SH3GL2: variants seen among roughly 807,000 people sequenced by gnomAD.
The protein encoded by SH3GL2 is endophilin-A1.
In SH3GL2, 24 loss-of-function variants were observed where a neutral mutation model predicts 46.0. The observed-to-expected ratio is 0.52, with a 90% confidence interval of 0.38 to 0.73. The LOEUF (loss-of-function observed/expected upper bound fraction) is 0.73, where lower values mean the gene tolerates loss of function less well. Among genes scored for constraint, SH3GL2 ranks in the 30% least tolerant of loss-of-function variants. The pLI is 0.00. For missense variants in SH3GL2, 413 were observed against 424.2 expected, an observed-to-expected ratio of 0.97 and a Z score of 0.23; for synonymous variants, 196 against 147.1, an observed-to-expected ratio of 1.33 and a Z score of -2.40.
intron 1 of SH3GL2, among the ~76,000 whole-genome samples, chr9:17,631,323 T>C (rs986318216): frequency 1.3e-5 from 2 of 152,164 alleles, no homozygotes; most frequent in African/African-American, 4.8e-5. Flanking sequence ...TTTCATAGCA[T>C]GTAGTTAAAA....
chr9:17,763,738 A>T (rs985288439), intron 3 of SH3GL2, among the ~76,000 whole-genome samples: 3 of 152,178 alleles, frequency 2.0e-5, no homozygotes, highest in African/African-American at 7.2e-5. Context: ...CATTTTATTC[A>T]GGAAAAAACA....
intron 1 of SH3GL2, chr9:17,735,768 C>A (rs1226847581): frequency 1.0e-6 from 1 of 979,576 alleles, no homozygotes; most frequent in Non-Finnish European, 1.2e-6. Context: ...CAGCTCTTTC[C>A]ACACATGGAA....
At chr9:17,725,013 C>G (rs1323486578) in intron 1 of SH3GL2, among the ~76,000 whole-genome samples, 1 of 152,014 alleles carries the variant, frequency 6.6e-6, no homozygotes, top group African/African-American at 2.4e-5. Flanking sequence ...TCCATTCTCT[C>G]CTGAGAGGGT....
At chr9:17,639,575 G>A (rs373350539) in intron 1 of SH3GL2, among the ~76,000 whole-genome samples, 97 of 152,314 alleles carry the variant, frequency 6.4e-4, no homozygotes, top group African/African-American at 2.2e-3. Flanking sequence ...CATTTTTGTT[G>A]GGAATGCAAG....
At chr9:17,581,635 C>T (rs1366943920) in intron 1 of SH3GL2, among the ~76,000 whole-genome samples, 1 of 152,074 alleles carries the variant, frequency 6.6e-6, no homozygotes, top group Non-Finnish European at 1.5e-5. Context: ...AGCTTTAGAC[C>T]TAGAATTACT....
chr9:17,594,303 C>T (rs924028434), intron 1 of SH3GL2, among the ~76,000 whole-genome samples: 4 of 152,164 alleles, frequency 2.6e-5, no homozygotes, highest in African/African-American at 9.7e-5. Context: ...AGCCTTCGCA[C>T]CATGCTCTTC....
At chr9:17,621,209 A>G (rs1479066742) in intron 1 of SH3GL2, among the ~76,000 whole-genome samples, 3 of 152,220 alleles carry the variant, frequency 2.0e-5, no homozygotes, top group Admixed American at 1.3e-4. Context: ...ATTTTCCTTC[A>G]TTGTAGATAA....
intron 1 of SH3GL2, among the ~76,000 whole-genome samples, chr9:17,603,853 G>A (rs570420813): frequency 9.9e-5 from 15 of 152,094 alleles, no homozygotes; most frequent in African/African-American, 1.7e-4. Flanking sequence ...CAACAAGAGC[G>A]AAACTCCGTG....
At chr9:17,715,755 C>T (rs1294097171) in intron 1 of SH3GL2, among the ~76,000 whole-genome samples, 1 of 151,912 alleles carries the variant, frequency 6.6e-6, no homozygotes, top group Non-Finnish European at 1.5e-5. Context: ...TTGAAAATAT[C>T]GTAAATTGAT....
intron 1 of SH3GL2, among the ~76,000 whole-genome samples, chr9:17,717,209 C>T (rs926149300): frequency 2.6e-4 from 39 of 152,118 alleles, no homozygotes; most frequent in Admixed American, 2.2e-3. Flanking sequence ...CATCCAGTGC[C>T]GCATAAATCG....
chr9:17,682,880 A>G (rs1370785299), intron 1 of SH3GL2, among the ~76,000 whole-genome samples: 1 of 152,114 alleles, frequency 6.6e-6, no homozygotes, highest in Non-Finnish European at 1.5e-5. Flanking sequence ...AAGCTTTTGT[A>G]TTATTGAAAC....
intron 1 of SH3GL2, among the ~76,000 whole-genome samples, chr9:17,734,060 C>T (rs1312731302): frequency 6.6e-6 from 1 of 151,948 alleles, no homozygotes; most frequent in African/African-American, 2.4e-5. Flanking sequence ...AATGCACTCT[C>T]AGTCGAGAAT....
At chr9:17,727,379 C>T (rs1346893388) in intron 1 of SH3GL2, among the ~76,000 whole-genome samples, 2 of 152,118 alleles carry the variant, frequency 1.3e-5, no homozygotes. Flanking sequence ...GTAAAAACAA[C>T]CAAAACATGT....
chr9:17,695,398 C>G (rs1056717608), intron 1 of SH3GL2, among the ~76,000 whole-genome samples: 1 of 152,008 alleles, frequency 6.6e-6, no homozygotes, highest in Non-Finnish European at 1.5e-5. Flanking sequence ...ATTTTTATTT[C>G]CAGGGGGTTA....
intron 2 of SH3GL2, among the ~76,000 whole-genome samples, chr9:17,761,232 A>G (rs1373969462): frequency 3.3e-5 from 5 of 152,202 alleles, no homozygotes; most frequent in Non-Finnish European, 7.3e-5. Flanking sequence ...TCTTCTTTGG[A>G]TAAACGGGCT....
chr9:17,681,591 A>C (rs1464769184), intron 1 of SH3GL2, among the ~76,000 whole-genome samples: 1 of 152,026 alleles, frequency 6.6e-6, no homozygotes, highest in Non-Finnish European at 1.5e-5. Flanking sequence ...ACCCCAAATC[A>C]TGAAAAACCT....
intron 2 of SH3GL2, among the ~76,000 whole-genome samples, chr9:17,754,565 C>T (rs938662693): frequency 1.3e-4 from 20 of 151,906 alleles, no homozygotes; most frequent in African/African-American, 3.9e-4. Context: ...CCCAGCTACT[C>T]GGGAGGCTGA....
At chr9:17,593,582 A>G (rs1030972718) in intron 1 of SH3GL2, among the ~76,000 whole-genome samples, 1 of 152,178 alleles carries the variant, frequency 6.6e-6, no homozygotes, top group African/African-American at 2.4e-5. Context: ...TGTCTTGTTC[A>G]AAACATGGCC....
chr9:17,626,738 GGACATTT>G (rs367840526), intron 1 of SH3GL2, among the ~76,000 whole-genome samples: 1 of 151,400 alleles, frequency 6.6e-6, no homozygotes, highest in East Asian at 2.1e-4. Context: ...AGATTCTTGT[GGACATTT>G]GACAGTCCCT....
Sources: allele counts gnomAD v4.1 joint callset (sites outside exome capture counted in the v4.1 genomes callset), GRCh38; gene constraint gnomAD v4.1.1; transcripts MANE v1.5; gene names NCBI Gene and HGNC (gene_info 2026-07-23, HGNC 2026-07-21).